Variants in HECW1 observed in about 807,000 individuals in gnomAD.
The protein encoded by HECW1 is E3 ubiquitin-protein ligase HECW1.
HECW1 carries 61 observed loss-of-function variants against 182.3 expected under a neutral mutation model. The observed-to-expected ratio is 0.33, with a 90% CI of 0.27 to 0.41. The LOEUF (loss-of-function observed/expected upper bound fraction) is 0.41. HECW1 is among the 10% of genes least tolerant of loss of function. The pLI, the probability that HECW1 is intolerant of heterozygous loss-of-function variation, is 1.00. For missense variants in HECW1, 1,739 were observed against 2,108.9 expected (o/e 0.82, Z 3.44); for synonymous variants, 859 against 832.6 (o/e 1.03, Z -0.55).
intron 8 of HECW1, among the ~76,000 whole-genome samples, chr7:43,431,362 T>A (rs1053980035): frequency 1.3e-5 from 2 of 152,192 alleles, no homozygotes; most frequent in Admixed American, 1.3e-4. Flanking sequence ...CATTCCTAGC[T>A]ATGTCACTCC....
At chr7:43,463,172 T>C (rs1487220159) in intron 13 of HECW1, among the ~76,000 whole-genome samples, 1 of 152,228 alleles carries the variant, frequency 6.6e-6, no homozygotes, top group Non-Finnish European at 1.5e-5. Flanking sequence ...AAAACATTTA[T>C]TTATTTGCCA....
At chr7:43,462,824 A>T (rs1036628951) in intron 13 of HECW1, among the ~76,000 whole-genome samples, 1 of 152,188 alleles carries the variant, frequency 6.6e-6, no homozygotes, top group Non-Finnish European at 1.5e-5. Flanking sequence ...CTTTCCCAAC[A>T]AGCTCCCCAA....
intron 3 of HECW1, among the ~76,000 whole-genome samples, chr7:43,282,915 C>A (rs1223416679): frequency 6.6e-6 from 1 of 151,982 alleles, no homozygotes; most frequent in African/African-American, 2.4e-5. Context: ...GTCAAGAGTT[C>A]GAGACCAGCC....
At chr7:43,136,850 G>A (rs1467764620) in intron 2 of HECW1, among the ~76,000 whole-genome samples, 3 of 152,112 alleles carry the variant, frequency 2.0e-5, no homozygotes, top group Admixed American at 6.5e-5. Context: ...GGTGGTGGCC[G>A]ACTCTAGCCC....
At chr7:43,559,285 T>G (rs949839617) in intron 29 of HECW1, among the ~76,000 whole-genome samples, 9 of 152,104 alleles carry the variant, frequency 5.9e-5, no homozygotes, top group Non-Finnish European at 5.9e-5. Context: ...GGCATGGAAT[T>G]CGACACAACT....
At chr7:43,428,451 G>A (rs2076429296) in intron 8 of HECW1, among the ~76,000 whole-genome samples, 1 of 152,138 alleles carries the variant, frequency 6.6e-6, no homozygotes, top group Non-Finnish European at 1.5e-5. Context: ...AGACATTACT[G>A]GCAATTGTAA....
intron 6 of HECW1, among the ~76,000 whole-genome samples, chr7:43,389,018 C>A (rs888127210): frequency 9.9e-5 from 15 of 152,154 alleles, no homozygotes; most frequent in Admixed American, 2.6e-4. Context: ...GATGGGGATG[C>A]AAAGAAGCAG....
chr7:43,491,788 T>C (rs1036362215), intron 17 of HECW1, among the ~76,000 whole-genome samples: 5 of 152,182 alleles, frequency 3.3e-5, no homozygotes, highest in Admixed American at 3.3e-4. Flanking sequence ...AGATGGGGTT[T>C]CACTATGTTG....
At chr7:43,485,010 A>G (rs771507310) in intron 17 of HECW1, among the ~76,000 whole-genome samples, 39 of 152,226 alleles carry the variant, frequency 2.6e-4, no homozygotes, top group Non-Finnish European at 4.4e-4. Flanking sequence ...TCAATAAGGA[A>G]GGATAAGCAG....
chr7:43,283,419 G>T (rs1422224786), intron 3 of HECW1, among the ~76,000 whole-genome samples: 3 of 152,102 alleles, frequency 2.0e-5, no homozygotes, highest in Admixed American at 6.5e-5. Context: ...AATGTTAAAT[G>T]ATGCCATAAT....
At chr7:43,403,408 A>C (rs2075493671) in intron 7 of HECW1, among the ~76,000 whole-genome samples, 1 of 152,176 alleles carries the variant, frequency 6.6e-6, no homozygotes, top group Non-Finnish European at 1.5e-5. Flanking sequence ...AGTACAGTTT[A>C]TTATGCAGAT....
intron 6 of HECW1, among the ~76,000 whole-genome samples, chr7:43,383,195 G>A (rs897169403): frequency 1.3e-5 from 2 of 152,148 alleles, no homozygotes; most frequent in Admixed American, 6.5e-5. Context: ...ATGGGTATTC[G>A]GGTTGGTTCC....
At chr7:43,208,837 G>A (rs73314776) in intron 2 of HECW1, among the ~76,000 whole-genome samples, 298 of 152,246 alleles carry the variant, frequency 2.0e-3, no homozygotes, top group African/African-American at 3.6e-3. Flanking sequence ...GCATGGAACC[G>A]GAGGTCTGGA....
At chr7:43,260,424 A>G (rs79741628) in intron 3 of HECW1, among the ~76,000 whole-genome samples, 9,765 of 152,298 alleles carry the variant, frequency 0.064, 480 homozygotes, top group Non-Finnish European at 0.095. Flanking sequence ...GGAGCAAGGA[A>G]AAGAGATGAG....
chr7:43,377,889 TTTA>T (rs1311160942), intron 6 of HECW1: 1 of 192,186 alleles, frequency 5.2e-6, no homozygotes, highest in African/African-American at 2.3e-5. Flanking sequence ...GCAACTCTCT[TTTA>T]TGAGAAATGG....
rs758712422 is a variant in HECW1, at chr7:43,407,562, A to C, written c.632A>C (p.Asp211Ala). 53 of 1,607,866 alleles carry C rather than the reference A, an allele frequency of 3.3e-5. No homozygotes were observed. Among genetic ancestry groups the C allele is most frequent in the Non-Finnish European group, 4.4e-5 (52 of 1,176,330 alleles). The change falls in exon 8 of 30, where the codon GAT becomes GCT. Residue 211 changes from aspartate to alanine, a missense_variant and splice_region_variant. Asp to Ala is a moderately radical substitution (Grantham distance 126). Coordinates refer to ENST00000395891, the MANE Select transcript of HECW1 (RefSeq NM_015052.5). Reference protein sequence around the residue: ...SRRLISFSLSDFQAMGLKKGM... With the variant: ...SRRLISFSLSAFQAMGLKKGM... ...AATTAAAGTATCCTTTATTTTATAG[A>C]TTTCCAAGCCATGGGGTTGAAGAAA...
chr7:43,321,209 T>C (rs983205437), intron 5 of HECW1, among the ~76,000 whole-genome samples: 2 of 152,240 alleles, frequency 1.3e-5, no homozygotes, highest in East Asian at 3.8e-4. Context: ...CCTTTGGCTC[T>C]GGCCACAGCT....
chr7:43,193,777 CT>C (rs58583363), intron 2 of HECW1, among the ~76,000 whole-genome samples: 15,617 of 152,064 alleles, frequency 0.1, 892 homozygotes, highest in East Asian at 0.15. Flanking sequence ...ACTGCCTGAC[CT>C]TTTGCCTGAT....
chr7:43,540,097 G>A (rs1345852669), intron 24 of HECW1, among the ~76,000 whole-genome samples: 3 of 152,164 alleles, frequency 2.0e-5, no homozygotes, highest in Non-Finnish European at 4.4e-5. Context: ...ATACCAATTT[G>A]AAGTGTTTTT....
Sources: allele counts gnomAD v4.1 joint callset (sites outside exome capture counted in the v4.1 genomes callset), GRCh38; gene constraint gnomAD v4.1.1; transcripts MANE v1.5; gene names NCBI Gene and HGNC (gene_info 2026-07-23, HGNC 2026-07-21).